Variants in KHDRBS1 observed in about 807,000 individuals in gnomAD.
KHDRBS1 encodes the protein KH RNA binding domain containing, signal transduction associated 1, also known as KH domain-containing, RNA-binding, signal transduction-associated protein 1.
A neutral mutation model predicts 48.4 loss-of-function variants in KHDRBS1; 7 were observed. The observed-to-expected ratio is 0.14, with a 90% CI of 0.08 to 0.27. The LOEUF is 0.27. KHDRBS1 is among the 10% of genes least tolerant of loss of function. The pLI is 1.00. For synonymous variants in KHDRBS1, 241 were observed against 235.8 expected (o/e 1.02, Z -0.20); for missense variants, 458 against 601.2 (o/e 0.76, Z 2.49).
intron 1 of KHDRBS1, among the ~76,000 whole-genome samples, chr1:32,024,566 A>G (rs980071068): frequency 1.3e-5 from 2 of 151,810 alleles, no homozygotes; most frequent in African/African-American, 4.8e-5. Context: ...GGCTCAAGCA[A>G]TCCTCCCACC....
chr1:32,058,450 G>C (rs190654181), intron 10 of KHDRBS1, among the ~76,000 whole-genome samples: 3 of 152,162 alleles, frequency 2.0e-5, no homozygotes, highest in Non-Finnish European at 4.4e-5. Context: ...CAATTCACAG[G>C]GTGGTTGAAA....
downstream of KHDRBS1, among the ~76,000 whole-genome samples, chr1:32,047,395 G>C (rs1639369861): frequency 6.6e-6 from 1 of 152,174 alleles, no homozygotes. Flanking sequence ...CTGGCTTCAA[G>C]TGATCCGCCC....
intron 1 of KHDRBS1, among the ~76,000 whole-genome samples, chr1:32,015,344 T>C (rs1638719191): frequency 6.6e-6 from 1 of 152,224 alleles, no homozygotes; most frequent in African/African-American, 2.4e-5. Flanking sequence ...TAAAATATTA[T>C]TTTAATATTT....
intron 10 of KHDRBS1, among the ~76,000 whole-genome samples, chr1:32,056,428 A>G (rs1639480798): frequency 6.6e-6 from 1 of 152,192 alleles, no homozygotes; most frequent in Non-Finnish European, 1.5e-5. Flanking sequence ...AAATTTGGGT[A>G]CTATTTCTGA....
chr1:32,052,664 T>G (rs1027665875), intron 10 of KHDRBS1: 1 of 152,214 alleles, frequency 6.6e-6, no homozygotes, highest in Non-Finnish European at 1.5e-5. Flanking sequence ...CCCAAAGTGC[T>G]GGGATTACAA....
intron 1 of KHDRBS1, among the ~76,000 whole-genome samples, chr1:32,026,022 AT>A (rs1395914088): frequency 6.7e-6 from 1 of 148,336 alleles, no homozygotes. Context: ...CAAAGCAGTC[AT>A]CCTGCTTCAG....
intron 1 of KHDRBS1, among the ~76,000 whole-genome samples, chr1:32,025,445 C>T (rs756666639): frequency 4.0e-5 from 6 of 151,286 alleles, no homozygotes; most frequent in Non-Finnish European, 5.9e-5. Flanking sequence ...GGACTACAGG[C>T]ACACGCCACC....
rs186374078 is a variant in KHDRBS1 at position 32,029,935 on chromosome 1, T to C, written c.383-363T>C. Among the ~76,000 whole-genome samples the C allele has an allele frequency of 9.8e-5, 15 of 152,352 alleles. No homozygotes were observed. In the East Asian group the frequency reaches 2.9e-3, roughly 29 times the overall value. On this transcript the variant is annotated intron_variant, in intron 1 of 8. Coordinates refer to ENST00000327300, the MANE Select transcript of KHDRBS1 (RefSeq NM_006559.3). ...ATTTAGATTATTTACTTTTGTTTTT[T>C]TCAAGGTAAGATTATACTTTGTCTT...
At chr1:32,028,054 T>G (rs986980245) in intron 1 of KHDRBS1, among the ~76,000 whole-genome samples, 1 of 152,180 alleles carries the variant, frequency 6.6e-6, no homozygotes, top group Non-Finnish European at 1.5e-5. Context: ...GAAGCAGAGG[T>G]TCCAGTGAGC....
At chr1:32,057,898 C>T (rs1161060151) in intron 10 of KHDRBS1, among the ~76,000 whole-genome samples, 1 of 151,280 alleles carries the variant, frequency 6.6e-6, no homozygotes, top group Non-Finnish European at 1.5e-5. Context: ...GGGCAGATCA[C>T]CTGAGGTCAG....
At chr1:32,044,464 T>C (rs989345961), downstream of KHDRBS1, among the ~76,000 whole-genome samples, 1 of 152,222 alleles carries the variant, frequency 6.6e-6, no homozygotes, top group Non-Finnish European at 1.5e-5. Context: ...AGTGATGGAA[T>C]TGGTTGGTCC....
intron 1 of KHDRBS1, among the ~76,000 whole-genome samples, chr1:32,016,721 G>A (rs1205876197): frequency 6.6e-6 from 1 of 151,880 alleles, no homozygotes; most frequent in African/African-American, 2.4e-5. Context: ...TCCTTTCCTG[G>A]GTTTACTTTA....
intron 1 of KHDRBS1, among the ~76,000 whole-genome samples, chr1:32,029,794 C>T (rs1352732944): frequency 6.6e-6 from 1 of 152,180 alleles, no homozygotes; most frequent in African/African-American, 2.4e-5. Context: ...ATTTTATTAA[C>T]TTAGGTCACA....
chr1:32,039,421 C>T, intron 7 of KHDRBS1, 94 bp from the exon 8 acceptor site: 1 of 759,174 alleles, frequency 1.3e-6, no homozygotes, highest in Non-Finnish European at 2.4e-6. Context: ...TGTATTAATA[C>T]ACTTAGTAAA....
rs1311336310 is a variant in KHDRBS1 at position 32,043,414 on chromosome 1, GGT to G, written c.*792_*793del. The G allele has an allele frequency of 6.6e-6, 1 of 152,540 alleles. No individual in the cohort carries two copies. The highest frequency in any genetic ancestry group is 1.5e-5 in the Non-Finnish European group (1 of 68,032). The allele number at this position is 152,540 out of a possible 1,614,324, so 9.4% of individuals were successfully genotyped here. The stretch of plus-strand genomic sequence containing the variant: ...AGTAGGTTTTGAAGAGGTTGATGGT[GGT>G]GGGGAGGGAAGGCCTCCTGAATTGA... On this transcript the variant is annotated 3_prime_UTR_variant, in exon 9 of 9. Transcript: ENST00000327300.
chr1:32,027,927 A>T (rs1372697099), intron 1 of KHDRBS1, among the ~76,000 whole-genome samples: 1 of 152,180 alleles, frequency 6.6e-6, no homozygotes, highest in African/African-American at 2.4e-5. Flanking sequence ...AGCCCAGCCA[A>T]CATGGTGAAA....
At chr1:32,041,954 A>G in intron 8 of KHDRBS1, among the ~76,000 whole-genome samples, 1 of 152,222 alleles carries the variant, frequency 6.6e-6, no homozygotes, top group Admixed American at 6.5e-5. Context: ...CAGAGAGAGC[A>G]GTATCAGCTC....
At position 32,014,387 on chromosome 1, in the gene KHDRBS1, C is replaced by A; in HGVS notation, c.382+10C>A. 1 of 1,366,736 alleles carries A rather than the reference C, an allele frequency of 7.3e-7. No individual in the cohort carries two copies. The highest frequency in any genetic ancestry group is 9.6e-7 in the Non-Finnish European group (1 of 1,041,780). The allele number at this position is 1,366,736 out of a possible 1,614,324, so 84.7% of individuals were successfully genotyped here. Reference sequence around the variant, plus strand: ...CAGCTGCTGACGGCAGGTAAGGGGGCCTCCCGTGTCCCTCTGGGTCGCCCG... The same window carrying A: ...CAGCTGCTGACGGCAGGTAAGGGGGACTCCCGTGTCCCTCTGGGTCGCCCG... On this transcript the variant is annotated intron_variant, in intron 1 of 8. Transcript: ENST00000327300.
At chr1:32,031,246 CAAAAT>C (rs909354222) in intron 2 of KHDRBS1, among the ~76,000 whole-genome samples, 1 of 151,856 alleles carries the variant, frequency 6.6e-6, no homozygotes, top group Non-Finnish European at 1.5e-5. Flanking sequence ...GAGCCTGTCT[CAAAAT>C]AAAGTAAAAA....
Sources: gnomAD v4.1 joint callset for allele counts (sites outside exome capture counted in the v4.1 genomes callset) on GRCh38, gnomAD v4.1.1 for gene constraint, MANE v1.5 for transcripts, NCBI Gene and HGNC (gene_info 2026-07-23, HGNC 2026-07-21) for gene names.